The following UBE2Z variants were observed in gnomAD, a reference collection of about 807,000 sequenced individuals.
The protein encoded by UBE2Z is ubiquitin conjugating enzyme E2 Z, also known as ubiquitin-conjugating enzyme E2 Z.
UBE2Z carries 10 observed loss-of-function variants against 32.6 expected under a neutral mutation model. The ratio of observed to expected loss-of-function variants is 0.31; its 90% CI spans 0.19 to 0.52. The LOEUF is 0.52. Ranked by LOEUF, UBE2Z falls within the 20% of genes least tolerant of loss-of-function variation. The pLI is 0.97. For missense variants in UBE2Z, 343 were observed against 480.9 expected, an observed-to-expected ratio of 0.71 and a Z score of 2.68; for synonymous variants, 183 against 190.8, an observed-to-expected ratio of 0.96 and a Z score of 0.34.
At position 48,914,194 on chromosome 17, in the gene UBE2Z, ATCT is replaced by A. The variant is rs578144640; in HGVS notation, c.578+1177_578+1179del. ...TGGGGGCTGAAAACTCAGTGTGGAC[ATCT>A]TCTCGCATATTTTGGATTGGTGTTT... On this transcript the variant is annotated intron_variant, in intron 3 of 6. Transcript: ENST00000360943. 1.3e-3 allele frequency among the ~76,000 whole-genome samples: 194 copies of A among 152,094 alleles called. 1 individual carries two copies. The highest frequency in any genetic ancestry group is 4.3e-3 in the African/African-American group (179 of 41,524).
chr17:48,926,605 C>T lies in UBE2Z; in HGVS notation c.895-359C>T, dbSNP rs1037241259. Reference sequence around the variant, plus strand: ...CAAGTGATTCTCCTGCCTCAGCCTCCCGAGTAGCTGGGATTACAGGCATGC... The same window carrying T: ...CAAGTGATTCTCCTGCCTCAGCCTCTCGAGTAGCTGGGATTACAGGCATGC... On this transcript the variant is annotated intron_variant, in intron 6 of 6. Transcript: ENST00000360943. Among the ~76,000 whole-genome samples, 5 of 152,010 alleles carry T rather than the reference C, an allele frequency of 3.3e-5. No individual in the cohort carries two copies. The East Asian group carries it at 9.6e-4, about 29-fold the overall frequency.
intron 3 of UBE2Z, chr17:48,915,871 C>CT (rs1555580015): frequency 1.6e-5 from 5 of 303,872 alleles, no homozygotes; most frequent in Admixed American, 1.2e-4. Context: ...TTTTGCCCCC[C>CT]CCCCTTGATT....
In UBE2Z at chr17:48,908,407, A is replaced by T; in HGVS notation, c.-97A>T. On this transcript the variant is annotated 5_prime_UTR_variant, in exon 1 of 7. Transcript: ENST00000360943. ...CTGTGGAAGCGGAGGGGGTGGGGAC[A>T]CTCTGGCCCGGTTCTCGGTGGTGCG... 1 of 1,080,978 alleles carries T rather than the reference A, an allele frequency of 9.3e-7. No individual in the cohort carries two copies. Among genetic ancestry groups the T allele is most frequent in the Non-Finnish European group, 1.2e-6 (1 of 862,574 alleles). 67.0% of individuals were successfully genotyped at this position (1,080,978 alleles called of 1,614,324 possible).
chr17:48,926,603 T>C (rs1417059394), intron 6 of UBE2Z, among the ~76,000 whole-genome samples: 1 of 151,706 alleles, frequency 6.6e-6, no homozygotes, highest in Admixed American at 6.6e-5. Context: ...TGCCTCAGCC[T>C]CCCGAGTAGC....
intron 4 of UBE2Z, among the ~76,000 whole-genome samples, chr17:48,918,095 C>A (rs1415227378): frequency 6.6e-6 from 1 of 151,974 alleles, no homozygotes; most frequent in African/African-American, 2.4e-5. Context: ...CACCACCACA[C>A]CTGGCTAATT....
Position 48,927,315 on chromosome 17 carries a change from C to G in UBE2Z, c.*181C>G, listed in dbSNP as rs1420856310. On this transcript the variant is annotated 3_prime_UTR_variant, in exon 7 of 7. Transcript: ENST00000360943. The stretch of plus-strand genomic sequence containing the variant: ...AGTGGGGGCCTGTTCCCGGTCTGAC[C>G]TCCTTGGCACTGGAGCATCTGGGGC... 3 of 635,106 alleles carry G rather than the reference C, an allele frequency of 4.7e-6. No homozygotes were observed. Among genetic ancestry groups the G allele is most frequent in the East Asian group, 5.6e-5 (2 of 35,844 alleles). 39.3% of individuals were successfully genotyped at this position (635,106 alleles called of 1,614,324 possible).
intron 3 of UBE2Z, chr17:48,915,805 T>G (rs1275069143): frequency 2.7e-6 from 1 of 371,380 alleles, no homozygotes; most frequent in Non-Finnish European, 4.8e-6. Context: ...TTGTCGTAAC[T>G]GTTTCTAGTA....
chr17:48,913,098 C>A, intron 3 of UBE2Z, 77 bp downstream of exon 3: 1 of 1,423,462 alleles, frequency 7.0e-7, no homozygotes, highest in Admixed American at 2.0e-5. Flanking sequence ...CAACCGGAGT[C>A]CCTCATCTGA....
At chr17:48,925,265 G>A (rs1481347429) in intron 6 of UBE2Z, among the ~76,000 whole-genome samples, 24 of 147,866 alleles carry the variant, frequency 1.6e-4, no homozygotes, top group Non-Finnish European at 3.4e-4. Flanking sequence ...CTTGGCGATG[G>A]AGCCAGACTC....
At chr17:48,918,724 G>A (rs1426243900) in intron 4 of UBE2Z, among the ~76,000 whole-genome samples, 1 of 149,542 alleles carries the variant, frequency 6.7e-6, no homozygotes. Context: ...CTCATTAGCA[G>A]GAGCTGATTT....
At chr17:48,919,906 A>T (rs2040747404) in intron 4 of UBE2Z, among the ~76,000 whole-genome samples, 1 of 152,086 alleles carries the variant, frequency 6.6e-6, no homozygotes, top group Non-Finnish European at 1.5e-5. Context: ...GAGACTCTTC[A>T]CTTCATTTAT....
At chr17:48,923,093 G>A (rs948497470) in intron 6 of UBE2Z, 156 bp downstream of exon 6, 50 of 578,180 alleles carry the variant, frequency 8.6e-5, no homozygotes, top group Non-Finnish European at 1.4e-4. Flanking sequence ...AGGCCAAGGC[G>A]GGCGGATCAC....
At position 48,924,277 on chromosome 17, in the gene UBE2Z, A is replaced by G. The variant is rs1026515613; in HGVS notation, c.894+1340A>G. ...AGGTGTGAGCCACTGCACCCAGCCC[A>G]TAGTGTTTTGAAGCTAAGATGCGTT... On this transcript the variant is annotated intron_variant, in intron 6 of 6. Transcript: ENST00000360943. 2.0e-5 allele frequency among the ~76,000 whole-genome samples: 3 copies of G among 152,152 alleles called. No individual in the cohort carries two copies. The East Asian group carries it at 5.8e-4, about 29-fold the overall frequency.
Position 48,908,776 on chromosome 17 carries a change from G to C in UBE2Z, c.273G>C (p.Trp91Cys). 1 of 1,508,078 alleles carries C rather than the reference G, an allele frequency of 6.6e-7. No individual in the cohort carries two copies. The highest frequency in any genetic ancestry group is 8.8e-7 in the Non-Finnish European group (1 of 1,133,330). The allele number at this position is 1,508,078 out of a possible 1,614,324, so 93.4% of individuals were successfully genotyped here. The change falls in exon 1 of 7, where the codon TGG (tryptophan) becomes TGC (cysteine). Residue 91 changes from tryptophan to cysteine, a missense_variant. Coordinates refer to ENST00000360943, the MANE Select transcript of UBE2Z (RefSeq NM_023079.5). ...SHWDPTLSSD[W>C]DGERTAPQCL... ...GGGACCCCACGCTCAGCTCCGACTG[G>C]GACGGCGAGCGCACCGCGCCGCAGT...
At position 48,928,471 on chromosome 17, in the gene UBE2Z, G is replaced by C; in HGVS notation, c.*1337G>C. ...CTCCCAGTGGGTATTGGCGATTCTTGTGATGCAGGGCCTCAGTCAGTGTCC... is the reference window on the plus strand; with the variant it reads ...CTCCCAGTGGGTATTGGCGATTCTTCTGATGCAGGGCCTCAGTCAGTGTCC... On this transcript the variant is annotated 3_prime_UTR_variant, in exon 7 of 7. Coordinates refer to ENST00000360943, the MANE Select transcript of UBE2Z (RefSeq NM_023079.5). 6.6e-6 allele frequency: 1 copy of C among 152,632 alleles called. No individual in the cohort carries two copies. Among genetic ancestry groups the C allele is most frequent in the East Asian group, 1.9e-4 (1 of 5,198 alleles). 9.5% of individuals were successfully genotyped at this position (152,632 alleles called of 1,614,324 possible).
chr17:48,910,784 C>T lies in UBE2Z; in HGVS notation c.318-24C>T, dbSNP rs140349938. ...TTCCCCCTCTTCCTCACTCCTTCCC[C>T]CACCTCCTCTTGGTGTTATACAGGG... is the stretch of plus-strand genomic sequence containing the variant. On this transcript the variant is annotated intron_variant, in intron 1 of 6. Transcript: ENST00000360943. The T allele has an allele frequency of 2.9e-3, 4,619 of 1,587,124 alleles. 13 individuals are homozygous for T. The highest frequency in any genetic ancestry group is 3.8e-3 in the Non-Finnish European group (4,334 of 1,155,586).
intron 4 of UBE2Z, among the ~76,000 whole-genome samples, chr17:48,919,325 G>A (rs1302098169): frequency 6.6e-6 from 1 of 152,048 alleles, no homozygotes; most frequent in East Asian, 1.9e-4. Flanking sequence ...TAATTGACTG[G>A]GGTTGGTGGT....
intron 6 of UBE2Z, among the ~76,000 whole-genome samples, chr17:48,925,417 A>G (rs997357074): frequency 6.6e-6 from 1 of 152,134 alleles, no homozygotes; most frequent in Non-Finnish European, 1.5e-5. Flanking sequence ...GAGATGACTT[A>G]TGCCCTCCAG....
intron 6 of UBE2Z, 47 bp downstream of exon 6, chr17:48,922,984 T>C (rs766568094): frequency 2.6e-6 from 4 of 1,533,296 alleles, no homozygotes; most frequent in Non-Finnish European, 2.7e-6. Flanking sequence ...CAGCTGGCCA[T>C]GTAAAAGCCC....
Sources: gnomAD v4.1 joint callset for allele counts (sites outside exome capture counted in the v4.1 genomes callset) on GRCh38, gnomAD v4.1.1 for gene constraint, MANE v1.5 for transcripts, NCBI Gene and HGNC (gene_info 2026-07-23, HGNC 2026-07-21) for gene names.